The following NEB variants were observed in gnomAD, a reference collection of about 807,000 sequenced individuals.
NEB encodes the protein nemaline myopathy type 2.
A neutral mutation model predicts 952.2 loss-of-function variants in NEB; 512 were observed. The observed-to-expected ratio is 0.54, with a 90% CI of 0.50 to 0.58. The LOEUF (loss-of-function observed/expected upper bound fraction) is 0.58, where lower values mean the gene tolerates loss of function less well. Ranked by LOEUF, NEB falls within the 20% of genes least tolerant of loss-of-function variation. The pLI, the probability that NEB is intolerant of heterozygous loss-of-function variation, is 0.00. For missense variants in NEB, 8,428 were observed against 9,231.1 expected, an observed-to-expected ratio of 0.91 and a Z score of 3.56; for synonymous variants, 2,900 against 3,149.8, an observed-to-expected ratio of 0.92 and a Z score of 2.66.
At chr2:151,565,456 T>G in intron 116 of NEB, 45 bp downstream of exon 116, 1 of 1,282,512 alleles carries the variant, frequency 7.8e-7, no homozygotes, top group Non-Finnish European at 1.1e-6. Flanking sequence ...GATAGACAAT[T>G]TACTCCCCAG....
Position 151,537,216 on chromosome 2 carries a change from C to G in NEB, c.21123G>C (p.Leu7041Phe), listed in dbSNP as rs778970922. Residue 7041 changes from leucine (L) to phenylalanine (F), a missense_variant, in exon 141 of 182, where the codon TTG (leucine) becomes TTC (phenylalanine). By Grantham distance (22) the Leu-to-Phe change is conservative. Coordinates refer to ENST00000397345, the MANE Select transcript of NEB (RefSeq NM_001164508.2). ...TVSDVKYKED[L>F]TWLKGIGCYA... ...AGCAACCAATGCCTTTAAGCCAAGTCAAGTCTTCTTTATATTTTACCTGGG... is the reference window on the plus strand; with the variant it reads ...AGCAACCAATGCCTTTAAGCCAAGTGAAGTCTTCTTTATATTTTACCTGGG... The G allele has an allele frequency of 3.1e-6, 5 of 1,611,402 alleles. No homozygotes were observed. Among genetic ancestry groups the G allele is most frequent in the Non-Finnish European group, 4.2e-6 (5 of 1,178,098 alleles).
At chr2:151,575,138 T>C (rs960012625) in intron 107 of NEB, among the ~76,000 whole-genome samples, 9 of 152,182 alleles carry the variant, frequency 5.9e-5, no homozygotes, top group African/African-American at 9.6e-5. Flanking sequence ...TATTTATTTA[T>C]TGAAGTTTTG....
rs531604132 is a variant in NEB, at chr2:151,498,294, T to C, written c.24173A>G (p.Gln8058Arg). 5.8e-6 allele frequency: 9 copies of C among 1,551,470 alleles called. No individual in the cohort carries two copies. Among genetic ancestry groups the C allele is most frequent in the African/African-American group, 1.4e-5 (1 of 73,050 alleles). Residue 8058 changes from glutamine (Q) to arginine (R), a missense_variant, in exon 170 of 182, where the codon CAG becomes CGG. Coordinates refer to ENST00000397345, the MANE Select transcript of NEB (RefSeq NM_001164508.2). ...GTTTTCTTGATTGTGTTTGACTCTC[T>C]GCATCTCAGGAGTGATGGGGATTGG... ...GIPIPITPEM[Q>R]RVKHNQENLS...
chr2:151,619,358 C>T, intron 73 of NEB, 93 bp downstream of exon 73: 1 of 1,285,010 alleles, frequency 7.8e-7, no homozygotes. Context: ...TTGAAATATA[C>T]AAACAAATTG....
In NEB at chr2:151,563,874, C is replaced by T; in HGVS notation, c.18528G>A (p.Glu6176=). Reference sequence around the variant, plus strand: ...TGGCTCCAACAATGGGAATGTAGCGCTCATCCAGGGTGTAGCCATAGGCCT... The same window carrying T: ...TGGCTCCAACAATGGGAATGTAGCGTTCATCCAGGGTGTAGCCATAGGCCT... The part of the protein sequence containing the change: ...GTKAYGYTLD[E]RYIPIVGAKH... The change falls in exon 118 of 182, where the codon GAG becomes GAA. Residue 6176 remains glutamate, a synonymous_variant. Coordinates refer to ENST00000397345, the MANE Select transcript of NEB (RefSeq NM_001164508.2). The T allele has an allele frequency of 6.2e-7, 1 of 1,612,936 alleles. No individual in the cohort carries two copies. The highest frequency in any genetic ancestry group is 8.5e-7 in the Non-Finnish European group (1 of 1,179,454).
At chr2:151,663,188 G>A (rs758634421) in intron 45 of NEB, among the ~76,000 whole-genome samples, 8 of 152,168 alleles carry the variant, frequency 5.3e-5, no homozygotes, top group Non-Finnish European at 8.8e-5. Context: ...GAGCTATCAG[G>A]TTATCTGATT....
chr2:151,631,269 G>A lies in NEB; in HGVS notation c.9492C>T (p.Cys3164=). ...CACTCAGTATTTCGGTAGCTCTCTT[G>A]CACTTGACCACATCCATAGACCCAA... The part of the protein sequence containing the change: ...VPIGSMDVVK[C]KRATEILSDN... Residue 3164 remains cysteine, a synonymous_variant, in exon 66 of 182, where the codon TGC becomes TGT. Coordinates refer to ENST00000397345, the MANE Select transcript of NEB (RefSeq NM_001164508.2). 6.2e-7 allele frequency: 1 copy of A among 1,613,868 alleles called. No individual in the cohort carries two copies. Among genetic ancestry groups the A allele is most frequent in the Non-Finnish European group, 8.5e-7 (1 of 1,179,842 alleles).
rs775226266 is a variant in NEB at position 151,491,693 on chromosome 2, G to C, written c.25140C>G (p.His8380Gln). The C allele has an allele frequency of 2.5e-6, 4 of 1,591,418 alleles. No individual in the cohort carries two copies. The South Asian group carries it at 3.4e-5, about 14-fold the overall frequency. The stretch of plus-strand genomic sequence containing the variant: ...TTTCAGCTAACACACCATTAATCAT[G>C]TGTAAGCTTCGGGACTGGATGTTGT... ...AEDNIQSRSL[H>Q]MINVQAQRRS... Residue 8380 changes from histidine (H) to glutamine (Q), a missense_variant, in exon 179 of 182, where the codon CAC (histidine) becomes CAG (glutamine). Physicochemically the swap from His to Gln is conservative, Grantham distance 24. Transcript: ENST00000397345.
chr2:151,610,949 GT>G, intron 78 of NEB, 83 bp from the exon 79 acceptor site: 1 of 842,316 alleles, frequency 1.2e-6, no homozygotes. Flanking sequence ...CATTACAGTT[GT>G]TAGCAAATTT....
In NEB at chr2:151,533,550, T is replaced by A; in HGVS notation, c.21313-4A>T. 6.5e-7 allele frequency: 1 copy of A among 1,541,988 alleles called. No homozygotes were observed. The highest frequency in any genetic ancestry group is 8.8e-7 in the Non-Finnish European group (1 of 1,138,512). On this transcript the variant is annotated splice_region_variant and splice_polypyrimidine_tract_variant and intron_variant, in intron 142 of 181. Coordinates refer to ENST00000397345, the MANE Select transcript of NEB (RefSeq NM_001164508.2). ...TGGCACTAGATTTATATTTTCTCTG[T>A]CCATGCAAAGAGCAGTGAAGCACAA... is the stretch of plus-strand genomic sequence containing the variant.
At chr2:151,549,587 C>G (rs2095127722) in intron 130 of NEB, 49 bp downstream of exon 130, 1 of 1,240,166 alleles carries the variant, frequency 8.1e-7, no homozygotes, top group Admixed American at 2.0e-5. Context: ...ATATGAGTCT[C>G]CTGCCACCCC....
intron 13 of NEB, among the ~76,000 whole-genome samples, chr2:151,705,928 TG>T (rs2099704066): frequency 6.6e-6 from 1 of 152,162 alleles, no homozygotes; most frequent in African/African-American, 2.4e-5. Flanking sequence ...AGTGGAATGT[TG>T]GGGTGGGAGT....
chr2:151,626,864 A>G (rs2098536935), intron 70 of NEB, 138 bp downstream of exon 70: 1 of 1,092,528 alleles, frequency 9.2e-7, no homozygotes, highest in African/African-American at 1.6e-5. Flanking sequence ...GTTATCTAAC[A>G]GAATAGAGAA....
chr2:151,710,129 G>T (rs1377461963), intron 11 of NEB, among the ~76,000 whole-genome samples: 1 of 152,198 alleles, frequency 6.6e-6, no homozygotes, highest in Non-Finnish European at 1.5e-5. Context: ...CTCAGGCAAA[G>T]AATAATTAAA....
intron 28 of NEB, among the ~76,000 whole-genome samples, 195 bp from the exon 29 acceptor site, chr2:151,682,964 G>C (rs969594520): frequency 4.6e-5 from 7 of 152,206 alleles, no homozygotes; most frequent in Middle Eastern, 6.8e-3. Context: ...TCTAACTGGC[G>C]TTATGTTCCA....
At position 151,708,008 on chromosome 2, in the gene NEB, G is replaced by A. The variant is rs139553563; in HGVS notation, c.1036-1011C>T. Reference sequence around the variant, plus strand: ...CACAAACTTTACTCTCCCCCTACCCGCATCTGGGATACACAGCCTTCTCCC... The same window carrying A: ...CACAAACTTTACTCTCCCCCTACCCACATCTGGGATACACAGCCTTCTCCC... On this transcript the variant is annotated intron_variant, in intron 12 of 181. Transcript: ENST00000397345. Among the ~76,000 whole-genome samples, 59 of 152,204 alleles carry A rather than the reference G, an allele frequency of 3.9e-4. 1 individual carries two copies. In the East Asian group the frequency reaches 0.01, roughly 27 times the overall value.
rs183667452 is a variant in NEB, at chr2:151,672,622, A to T, written c.4046T>A (p.Leu1349His). 1 of 1,613,940 alleles carries T rather than the reference A, an allele frequency of 6.2e-7. No homozygotes were observed. The highest frequency in any genetic ancestry group is 8.5e-7 in the Non-Finnish European group (1 of 1,179,880). Residue 1349 changes from leucine (L) to histidine (H), a missense_variant, in exon 37 of 182, where the codon CTC (leucine) becomes CAC (histidine). Leu to His is a moderately conservative substitution (Grantham distance 99). This residue lies in a region of NEB where 2,851 missense variants were observed against 2,791.5 expected (regional missense o/e 1.02). Transcript: ENST00000397345. ...SKGKHVGFRS[L>H]QDDPKLVHYM... Reference sequence around the variant, plus strand: ...GTGGACCAGCTTGGGATCATCCTGGAGGCTTCTGAAACCCACATGCTTTCC... The same window carrying T: ...GTGGACCAGCTTGGGATCATCCTGGTGGCTTCTGAAACCCACATGCTTTCC...
Position 151,650,301 on chromosome 2 carries a change from T to G in NEB, c.7306A>C (p.Lys2436Gln), listed in dbSNP as rs1375650461. ...PLGSLEAEKN[K>Q]RASEIISEKK... ...TCACTGATGATTTCCGAAGCCCGCT[T>G]GTTCTTTTCTGCCTCTAAAGAACCC... Residue 2436 changes from lysine to glutamine, a missense_variant, in exon 54 of 182, where the codon AAG becomes CAG. Physicochemically the swap from Lys to Gln is moderately conservative, Grantham distance 53. Coordinates refer to ENST00000397345, the MANE Select transcript of NEB (RefSeq NM_001164508.2). The G allele has an allele frequency of 1.9e-6, 3 of 1,613,944 alleles. No individual in the cohort carries two copies. The highest frequency in any genetic ancestry group is 3.3e-5 in the Admixed American group (2 of 60,000).
intron 107 of NEB, among the ~76,000 whole-genome samples, chr2:151,573,165 C>T (rs4461258): frequency 0.26 from 40,053 of 152,034 alleles, 5,936 homozygotes; most frequent in Non-Finnish European, 0.34. Flanking sequence ...TGGTGATACA[C>T]TTGTAAAGAA....
Sources: gnomAD v4.1 joint callset for allele counts (sites outside exome capture counted in the v4.1 genomes callset) on GRCh38, gnomAD v4.1.1 for gene constraint, gnomAD v4.1.1 regional missense constraint, MANE v1.5 for transcripts, NCBI Gene and HGNC (gene_info 2026-07-23, HGNC 2026-07-21) for gene names.